Variants in MYLK observed in about 807,000 individuals in gnomAD.
The protein encoded by MYLK is myosin light chain kinase, smooth muscle.
In MYLK, 106 loss-of-function variants were observed where a neutral mutation model predicts 203.4. That is an observed-to-expected ratio of 0.52 (90% CI 0.45 to 0.61). The LOEUF is 0.61. MYLK is among the 20% of genes least tolerant of loss of function. MYLK has a pLI of 0.00. For missense variants in MYLK, 2,072 were observed against 2,442.3 expected, an observed-to-expected ratio of 0.85 and a Z score of 3.20; for synonymous variants, 867 against 959.5, an observed-to-expected ratio of 0.90 and a Z score of 1.78.
At chr3:123,696,032 G>A (rs921219467) in intron 18 of MYLK, among the ~76,000 whole-genome samples, 2 of 152,270 alleles carry the variant, frequency 1.3e-5, no homozygotes, top group African/African-American at 2.4e-5. Flanking sequence ...ACACCTCCAC[G>A]TGTCTGTGTC....
Position 123,647,383 on chromosome 3 carries a change from C to T in MYLK, c.4460G>A (p.Arg1487Gln), listed in dbSNP as rs369356239. Residue 1487 changes from arginine to glutamine, a missense_variant, in exon 27 of 34, where the codon CGA becomes CAA. Arg to Gln is a conservative substitution (Grantham distance 43, BLOSUM62 1). Transcript: ENST00000360304. ...GAAGAACTTCCCTGCCCAGACTTTTCGAGTTTTCTTTTCTACAAGTCGAAA... is the reference window on the plus strand; with the variant it reads ...GAAGAACTTCCCTGCCCAGACTTTTTGAGTTTTCTTTTCTACAAGTCGAAA... ...QVFRLVEKKT[R>Q]KVWAGKFFKA... 10 of 1,614,104 alleles carry T rather than the reference C, an allele frequency of 6.2e-6. No individual in the cohort carries two copies. The highest frequency in any genetic ancestry group is 2.7e-5 in the African/African-American group (2 of 74,928).
intron 3 of MYLK, among the ~76,000 whole-genome samples, chr3:123,818,299 T>C (rs1443007721): frequency 2.0e-5 from 3 of 152,178 alleles, no homozygotes; most frequent in Non-Finnish European, 4.4e-5. Context: ...TTAAACACAA[T>C]CAGTCCCACT....
chr3:123,747,616 C>T (rs574926339), intron 5 of MYLK, among the ~76,000 whole-genome samples: 2 of 152,198 alleles, frequency 1.3e-5, no homozygotes, highest in Non-Finnish European at 2.9e-5. Flanking sequence ...CATCAACTGG[C>T]GGCTGGAAAT....
At chr3:123,650,600 A>T (rs531832544) in intron 24 of MYLK, among the ~76,000 whole-genome samples, 1 of 152,326 alleles carries the variant, frequency 6.6e-6, no homozygotes, top group East Asian at 1.9e-4. Context: ...ACAGAAAGGA[A>T]GCTGCCATGG....
intron 11 of MYLK, among the ~76,000 whole-genome samples, chr3:123,729,151 G>A (rs1481316929): frequency 6.6e-6 from 1 of 152,140 alleles, no homozygotes; most frequent in East Asian, 1.9e-4. Flanking sequence ...CTGACTTGGA[G>A]CTTTGGTGCA....
chr3:123,626,763 T>C (rs977970122), intron 31 of MYLK, 55 bp downstream of exon 31: 13 of 1,613,314 alleles, frequency 8.1e-6, no homozygotes, highest in Admixed American at 1.7e-5. Context: ...GAAAGTGGCT[T>C]GAACAACACA....
At chr3:123,670,709 T>C (rs2059888143) in intron 20 of MYLK, among the ~76,000 whole-genome samples, 1 of 151,964 alleles carries the variant, frequency 6.6e-6, no homozygotes. Flanking sequence ...GCCACTACAC[T>C]CCAGCCTGGG....
intron 22 of MYLK, among the ~76,000 whole-genome samples, chr3:123,665,951 G>C (rs932806868): frequency 6.6e-6 from 1 of 152,204 alleles, no homozygotes; most frequent in African/African-American, 2.4e-5. Flanking sequence ...CAAACCAGAT[G>C]AGGGACATGG....
At chr3:123,756,045 T>A (rs1242647860) in intron 4 of MYLK, among the ~76,000 whole-genome samples, 1 of 152,114 alleles carries the variant, frequency 6.6e-6, no homozygotes, top group Non-Finnish European at 1.5e-5. Context: ...ACTGGGCCCA[T>A]GTAGCCTAGA....
chr3:123,635,809 C>T (rs2058621581), intron 29 of MYLK, among the ~76,000 whole-genome samples: 1 of 152,186 alleles, frequency 6.6e-6, no homozygotes, highest in South Asian at 2.1e-4. Context: ...AACCAGAATG[C>T]TTCCAATGGC....
intron 2 of MYLK, among the ~76,000 whole-genome samples, chr3:123,844,935 G>T (rs2066679045): frequency 6.7e-6 from 1 of 150,274 alleles, no homozygotes; most frequent in African/African-American, 2.5e-5. Context: ...TTGAACTCCT[G>T]GCCTCAAGCA....
intron 22 of MYLK, 99 bp from the exon 23 acceptor site, chr3:123,664,357 T>A: frequency 6.5e-7 from 1 of 1,539,976 alleles, no homozygotes; most frequent in South Asian, 1.1e-5. Flanking sequence ...AGGATGCAGC[T>A]GGACAAGCTG....
intron 9 of MYLK, chr3:123,734,568 G>A (rs568614978): frequency 1.4e-5 from 3 of 212,840 alleles, no homozygotes; most frequent in African/African-American, 2.3e-5. Context: ...GACCATAGTC[G>A]ATCTTTTAAA....
At chr3:123,644,326 T>C (rs918442739) in intron 27 of MYLK, among the ~76,000 whole-genome samples, 1 of 152,206 alleles carries the variant, frequency 6.6e-6, no homozygotes, top group Non-Finnish European at 1.5e-5. Flanking sequence ...TTTGGTTGAC[T>C]GAGTTCTTAC....
chr3:123,728,205 A>G (rs2108766527), intron 11 of MYLK, among the ~76,000 whole-genome samples: 1 of 152,334 alleles, frequency 6.6e-6, no homozygotes, highest in East Asian at 1.9e-4. Context: ...GGAGCATTCA[A>G]TAAAAACAAA....
chr3:123,729,707 C>A (rs2062410775), intron 11 of MYLK, among the ~76,000 whole-genome samples: 1 of 151,954 alleles, frequency 6.6e-6, no homozygotes, highest in Non-Finnish European at 1.5e-5. Context: ...ATAGTAAGAC[C>A]TTTTATCTAC....
chr3:123,710,698 G>A (rs557283043), intron 13 of MYLK, among the ~76,000 whole-genome samples: 1 of 152,238 alleles, frequency 6.6e-6, no homozygotes, highest in Admixed American at 6.5e-5. Context: ...ACTTCCCTTA[G>A]GATCTAGTCA....
intron 3 of MYLK, among the ~76,000 whole-genome samples, chr3:123,813,566 A>G (rs1470808133): frequency 2.0e-5 from 3 of 151,444 alleles, no homozygotes; most frequent in African/African-American, 7.3e-5. Flanking sequence ...GCTGGAATGC[A>G]GTGACGTGAT....
At chr3:123,770,570 C>T (rs1292717789) in intron 4 of MYLK, among the ~76,000 whole-genome samples, 1 of 152,162 alleles carries the variant, frequency 6.6e-6, no homozygotes, top group Non-Finnish European at 1.5e-5. Flanking sequence ...GGTACAAGTG[C>T]CACGTGTTAA....
Sources: gnomAD v4.1 joint callset for allele counts (sites outside exome capture counted in the v4.1 genomes callset) on GRCh38, gnomAD v4.1.1 for gene constraint, MANE v1.5 for transcripts, NCBI Gene and HGNC (gene_info 2026-07-23, HGNC 2026-07-21) for gene names.